RB1: variants seen among roughly 807,000 people sequenced by gnomAD.
RB1 encodes RB transcriptional corepressor 1.
In RB1, 18 loss-of-function variants were observed where a neutral mutation model predicts 135.4. The observed-to-expected ratio is 0.13, with a 90% confidence interval of 0.09 to 0.20. The LOEUF is 0.20. RB1 is among the 10% of genes least tolerant of loss of function. RB1 has a pLI of 1.00. For missense variants in RB1, 868 were observed against 1,110.0 expected (o/e 0.78, Z 3.10); for synonymous variants, 365 against 373.2 (o/e 0.98, Z 0.25).
intron 17 of RB1, among the ~76,000 whole-genome samples, chr13:48,407,408 AAGAG>A (rs1238375200): frequency 2.6e-5 from 4 of 152,216 alleles, no homozygotes; most frequent in Non-Finnish European, 5.9e-5. Context: ...GGTAATAAAA[AAGAG>A]AGAGAAGTTT....
At chr13:48,372,954 C>T (rs1263385653) in intron 11 of RB1, among the ~76,000 whole-genome samples, 1 of 152,090 alleles carries the variant, frequency 6.6e-6, no homozygotes, top group Non-Finnish European at 1.5e-5. Flanking sequence ...TAAATGTATC[C>T]AGGATCTTAG....
chr13:48,341,338 T>C (rs1176982730), intron 2 of RB1: 1 of 152,036 alleles, frequency 6.6e-6, no homozygotes, highest in Non-Finnish European at 1.5e-5. Context: ...TTTTTTTATA[T>C]TTGGGTTGTT....
intron 17 of RB1, among the ~76,000 whole-genome samples, chr13:48,401,821 G>A (rs1027496822): frequency 6.6e-6 from 1 of 152,136 alleles, no homozygotes; most frequent in African/African-American, 2.4e-5. Flanking sequence ...CTAAGTTTCA[G>A]TGGTTCTTAT....
intron 2 of RB1, among the ~76,000 whole-genome samples, chr13:48,320,882 C>G (rs1367150083): frequency 6.6e-6 from 1 of 151,788 alleles, no homozygotes; most frequent in Non-Finnish European, 1.5e-5. Flanking sequence ...GAGATAAAGT[C>G]TGCAAATGCT....
At chr13:48,474,239 C>G (rs1039753421) in intron 24 of RB1, among the ~76,000 whole-genome samples, 19 of 152,184 alleles carry the variant, frequency 1.2e-4, no homozygotes, top group African/African-American at 3.9e-4. Flanking sequence ...CAACCCCCTC[C>G]CCTCCCTGGA....
intron 2 of RB1, chr13:48,328,438 T>G (rs1952306225): frequency 5.3e-6 from 6 of 1,123,252 alleles, no homozygotes; most frequent in South Asian, 1.2e-5. Context: ...GTTGGAGGTC[T>G]GCAGCTTCTT....
chr13:48,411,611 T>C, intron 17 of RB1: 1 of 1,612,348 alleles, frequency 6.2e-7, no homozygotes, highest in Non-Finnish European at 8.5e-7. Context: ...TTGGGTACAT[T>C]GTCCTTACTG....
intron 17 of RB1, among the ~76,000 whole-genome samples, chr13:48,389,175 A>AAAATT (rs1485528269): frequency 2.0e-5 from 3 of 151,672 alleles, no homozygotes; most frequent in Non-Finnish European, 4.4e-5. Context: ...AAAATAAAAT[A>AAAATT]AAATTAAATT....
At chr13:48,412,617 T>C in intron 17 of RB1, 1 of 614,672 alleles carries the variant, frequency 1.6e-6, no homozygotes, top group Non-Finnish European at 3.0e-6. Flanking sequence ...AAATTTCCGC[T>C]GGGTTCTTCA....
At chr13:48,454,774 G>T (rs1211011708) in intron 18 of RB1, among the ~76,000 whole-genome samples, 2 of 152,228 alleles carry the variant, frequency 1.3e-5, no homozygotes, top group African/African-American at 4.8e-5. Flanking sequence ...GCAAAAACCT[G>T]CATGATGTGC....
In RB1 at chr13:48,476,486, T is replaced by C. The variant is rs1949504591; in HGVS notation, c.2521-215T>C. On this transcript the variant is annotated intron_variant, in intron 24 of 26. Transcript: ENST00000267163. The stretch of plus-strand genomic sequence containing the variant: ...GCTGCATGGGAAAAGACAGGAGGAT[T>C]TACAAAGAGTGGGTGTTTAATTGGG... The C allele has an allele frequency of 5.9e-6, 3 of 506,770 alleles. No individual in the cohort carries two copies. The Admixed American group carries it at 9.7e-5, about 16-fold the overall frequency. 31.4% of individuals were successfully genotyped at this position (506,770 alleles called of 1,614,324 possible). A position where few individuals can be genotyped will look rare whatever the true frequency, so the allele number is the denominator to read the frequency against.
chr13:48,400,173 A>G (rs1200636373), intron 17 of RB1, among the ~76,000 whole-genome samples: 1 of 152,020 alleles, frequency 6.6e-6, no homozygotes, highest in Non-Finnish European at 1.5e-5. Context: ...CATCAAAATA[A>G]CTCTCATTTA....
At chr13:48,322,949 AT>A (rs1952254027) in intron 2 of RB1, among the ~76,000 whole-genome samples, 2 of 151,482 alleles carry the variant, frequency 1.3e-5, no homozygotes, top group South Asian at 4.2e-4. Context: ...CTATACGTGT[AT>A]TTATAAGAGA....
chr13:48,397,168 T>C lies in RB1; in HGVS notation c.1695+15725T>C, dbSNP rs146372514. ...GAGCATATACCCAAAGGATTATAAA[T>C]CATTCTACTAAAAAGAACATGCACA... is the stretch of plus-strand genomic sequence containing the variant. On this transcript the variant is annotated intron_variant, in intron 17 of 26. Transcript: ENST00000267163. Among the ~76,000 whole-genome samples the C allele has an allele frequency of 5.2e-3, 785 of 152,266 alleles. 4 individuals carry two copies. The highest frequency in any genetic ancestry group is 8.2e-3 in the Non-Finnish European group (556 of 68,024).
At chr13:48,320,412 TG>T in intron 2 of RB1, 1 of 1,122,464 alleles carries the variant, frequency 8.9e-7, no homozygotes, top group Non-Finnish European at 1.3e-6. Context: ...AGCTCCCTGG[TG>T]GGCCAAAGGC....
chr13:48,474,848 A>G (rs1949494319), intron 24 of RB1, among the ~76,000 whole-genome samples: 1 of 152,098 alleles, frequency 6.6e-6, no homozygotes, highest in South Asian at 2.1e-4. Context: ...AATATGCATT[A>G]CTGTTAATAT....
chr13:48,389,355 C>A (rs529856436), intron 17 of RB1, among the ~76,000 whole-genome samples: 56 of 151,760 alleles, frequency 3.7e-4, no homozygotes, highest in African/African-American at 1.2e-3. Flanking sequence ...AGGATGAGAT[C>A]TGAATGAGAG....
At chr13:48,403,927 G>A (rs1593471850) in intron 17 of RB1, among the ~76,000 whole-genome samples, 1 of 152,150 alleles carries the variant, frequency 6.6e-6, no homozygotes, top group Non-Finnish European at 1.5e-5. Flanking sequence ...CTTGAGCCTG[G>A]GAAGTTGAGG....
chr13:48,379,944 G>T, intron 14 of RB1, 109 bp from the exon 15 acceptor site: 2 of 770,696 alleles, frequency 2.6e-6, no homozygotes. Flanking sequence ...TGGCAACAGA[G>T]CAAGACACCA....
Sources: gnomAD v4.1 joint callset for allele counts (sites outside exome capture counted in the v4.1 genomes callset) on GRCh38, gnomAD v4.1.1 for gene constraint, MANE v1.5 for transcripts, NCBI Gene and HGNC (gene_info 2026-07-23, HGNC 2026-07-21) for gene names.